The following PTPRG variants were observed in gnomAD, a reference collection of about 807,000 sequenced individuals.
PTPRG encodes protein tyrosine phosphatase receptor type G.
In PTPRG, 102 loss-of-function variants were observed where a neutral mutation model predicts 165.3. The observed-to-expected ratio is 0.62, with a 90% CI of 0.53 to 0.73. The LOEUF is 0.73. PTPRG is among the 30% of genes least tolerant of loss of function. The pLI is 0.00. For missense variants in PTPRG, 1,866 were observed against 1,861.4 expected (o/e 1.00, Z -0.05); for synonymous variants, 675 against 669.5 (o/e 1.01, Z -0.13).
At chr3:61,833,017 T>G (rs1328196301) in intron 2 of PTPRG, among the ~76,000 whole-genome samples, 1 of 151,992 alleles carries the variant, frequency 6.6e-6, no homozygotes, top group Admixed American at 6.6e-5. Context: ...CCATCCAGGT[T>G]GCTGTGAATG....
At chr3:61,909,553 G>T (rs772696696) in intron 2 of PTPRG, among the ~76,000 whole-genome samples, 15 of 152,044 alleles carry the variant, frequency 9.9e-5, no homozygotes, top group Non-Finnish European at 1.8e-4. Flanking sequence ...GTCTCACTGT[G>T]TTTCCTAGGC....
At chr3:61,777,990 G>T (rs186425033) in intron 2 of PTPRG, among the ~76,000 whole-genome samples, 1 of 152,264 alleles carries the variant, frequency 6.6e-6, no homozygotes, top group South Asian at 2.1e-4. Flanking sequence ...AGTACAATAC[G>T]TGCCATTCAC....
At chr3:61,937,346 T>A (rs2039505403) in intron 2 of PTPRG, among the ~76,000 whole-genome samples, 1 of 152,180 alleles carries the variant, frequency 6.6e-6, no homozygotes, top group African/African-American at 2.4e-5. Context: ...AAAGTGTCCT[T>A]TTGAATCCCG....
intron 4 of PTPRG, among the ~76,000 whole-genome samples, chr3:62,065,982 CT>C (rs1445424427): frequency 1.4e-4 from 22 of 152,228 alleles, no homozygotes; most frequent in African/African-American, 5.3e-4. Context: ...TTGCAGCAAC[CT>C]TTTTCTTATG....
At chr3:62,248,255 A>G (rs1190068266) in intron 15 of PTPRG, among the ~76,000 whole-genome samples, 1 of 152,210 alleles carries the variant, frequency 6.6e-6, no homozygotes, top group South Asian at 2.1e-4. Context: ...TGTTCCATGC[A>G]TGACATATGG....
intron 1 of PTPRG, among the ~76,000 whole-genome samples, chr3:61,738,664 C>CA (rs1474866016): frequency 6.6e-6 from 1 of 151,156 alleles, no homozygotes; most frequent in Non-Finnish European, 1.5e-5. Flanking sequence ...TAGGCAGTCA[C>CA]AATTACACAT....
chr3:61,945,526 T>C (rs2039735707), intron 2 of PTPRG, among the ~76,000 whole-genome samples: 1 of 117,110 alleles, frequency 8.5e-6, no homozygotes, highest in Admixed American at 1.3e-4. Flanking sequence ...GCTACTGCAC[T>C]CCAGCCTGGG....
chr3:62,268,189 G>A (rs773610885), intron 19 of PTPRG, among the ~76,000 whole-genome samples: 1 of 152,108 alleles, frequency 6.6e-6, no homozygotes, highest in Non-Finnish European at 1.5e-5. Context: ...ACAGACAACA[G>A]TAAACAGGGA....
chr3:61,565,846 T>G (rs557082890), intron 1 of PTPRG, among the ~76,000 whole-genome samples: 1 of 152,074 alleles, frequency 6.6e-6, no homozygotes, highest in African/African-American at 2.4e-5. Context: ...CGGGCTTTAG[T>G]TCTGATGGGC....
At chr3:62,160,310 G>A (rs533517848) in intron 7 of PTPRG, among the ~76,000 whole-genome samples, 1 of 152,314 alleles carries the variant, frequency 6.6e-6, no homozygotes, top group South Asian at 2.1e-4. Flanking sequence ...GTCTAGTTGG[G>A]CATTCAAGTC....
intron 4 of PTPRG, among the ~76,000 whole-genome samples, chr3:62,066,872 T>C (rs910429041): frequency 1.3e-5 from 2 of 152,050 alleles, no homozygotes; most frequent in Non-Finnish European, 2.9e-5. Context: ...ACCCCCTCTC[T>C]GCTAAAATTA....
Position 62,157,240 on chromosome 3 carries a change from C to T in PTPRG, c.840+16C>T, listed in dbSNP as rs560739580. The T allele has an allele frequency of 8.1e-6, 13 of 1,609,130 alleles. No homozygotes were observed. The highest frequency in any genetic ancestry group is 1.7e-4 in the Middle Eastern group (1 of 6,032). On this transcript the variant is annotated intron_variant, in intron 7 of 29. Coordinates refer to ENST00000474889, the MANE Select transcript of PTPRG (RefSeq NM_002841.4). ...TTACCATCAGGTAGATATTCTTCCT[C>T]AAGTGGGGTTTCTGTGTTTACTTGT...
chr3:62,155,935 G>A (rs1401996289), intron 6 of PTPRG, among the ~76,000 whole-genome samples: 1 of 152,174 alleles, frequency 6.6e-6, no homozygotes. Context: ...GACCCCATGA[G>A]CAGGACTCCA....
chr3:62,248,020 C>CT (rs5849470), intron 15 of PTPRG, among the ~76,000 whole-genome samples: 6 of 150,766 alleles, frequency 4.0e-5, no homozygotes, highest in South Asian at 2.1e-4. Flanking sequence ...AGAACGAAGA[C>CT]TTTTTTTTTT....
At chr3:61,587,291 A>G (rs1282722301) in intron 1 of PTPRG, among the ~76,000 whole-genome samples, 1 of 152,232 alleles carries the variant, frequency 6.6e-6, no homozygotes, top group African/African-American at 2.4e-5. Flanking sequence ...AACTTACAAA[A>G]TTGTACAAAG....
chr3:61,893,707 C>A (rs1475921879), intron 2 of PTPRG, among the ~76,000 whole-genome samples: 1 of 152,192 alleles, frequency 6.6e-6, no homozygotes, highest in African/African-American at 2.4e-5. Context: ...TCTGTGTGTT[C>A]ACCATTTTAT....
At chr3:61,770,754 C>T (rs909983335) in intron 2 of PTPRG, 1 of 152,044 alleles carries the variant, frequency 6.6e-6, no homozygotes, top group African/African-American at 2.4e-5. Flanking sequence ...GTTATTTTTA[C>T]TTTCAAATTC....
At chr3:61,826,472 C>T (rs536265128) in intron 2 of PTPRG, among the ~76,000 whole-genome samples, 26 of 151,898 alleles carry the variant, frequency 1.7e-4, no homozygotes, top group Non-Finnish European at 2.9e-5. Flanking sequence ...AAATGATTTA[C>T]AGTAATCTTG....
At position 62,052,854 on chromosome 3, in the gene PTPRG, A is replaced by G. The variant is rs75168150; in HGVS notation, c.520-25309A>G. On this transcript the variant is annotated intron_variant, in intron 4 of 29. Coordinates refer to ENST00000474889, the MANE Select transcript of PTPRG (RefSeq NM_002841.4). ...CATTTATTGTTAGATTTCAACCATA[A>G]GGAAAACACCTTATCTGTATTTATT... Among the ~76,000 whole-genome samples, 133 of 152,340 alleles carry G rather than the reference A, an allele frequency of 8.7e-4. No individual in the cohort carries two copies. The East Asian group carries it at 0.02, about 23-fold the overall frequency.
Sources: gnomAD v4.1 joint callset for allele counts (sites outside exome capture counted in the v4.1 genomes callset) on GRCh38, gnomAD v4.1.1 for gene constraint, MANE v1.5 for transcripts, NCBI Gene and HGNC (gene_info 2026-07-23, HGNC 2026-07-21) for gene names.